Variants in HVCN1 observed in about 807,000 individuals in gnomAD.
The protein encoded by HVCN1 is hydrogen voltage gated channel 1, also known as voltage-gated hydrogen channel 1.
HVCN1 carries 14 observed loss-of-function variants against 29.2 expected under a neutral mutation model. The observed-to-expected ratio is 0.48, with a 90% confidence interval of 0.32 to 0.75. The LOEUF is 0.75. Among genes scored for constraint, HVCN1 ranks in the 30% least tolerant of loss-of-function variants. The pLI, the probability that HVCN1 is intolerant of heterozygous loss-of-function variation, is 0.04. For synonymous variants in HVCN1, 131 were observed against 133.2 expected, an observed-to-expected ratio of 0.98 and a Z score of 0.11; for missense variants, 263 against 341.8, an observed-to-expected ratio of 0.77 and a Z score of 1.82.
At chr12:110,668,178 C>T (rs1354202187) in intron 3 of HVCN1, among the ~76,000 whole-genome samples, 1 of 152,118 alleles carries the variant, frequency 6.6e-6, no homozygotes, top group Non-Finnish European at 1.5e-5. Context: ...GCCCCCAGCT[C>T]TGGAAGTGCC....
chr12:110,664,282 G>T (rs1028309958), intron 3 of HVCN1, among the ~76,000 whole-genome samples: 1 of 152,096 alleles, frequency 6.6e-6, no homozygotes, highest in Non-Finnish European at 1.5e-5. Flanking sequence ...GCACTTAACA[G>T]ACACTCAAAA....
At chr12:110,655,177 G>T in intron 5 of HVCN1, 57 bp downstream of exon 5, 1 of 1,335,802 alleles carries the variant, frequency 7.5e-7, no homozygotes, top group Non-Finnish European at 1.1e-6. Context: ...CCCCGTCTGT[G>T]CAGATAACAC....
intron 5 of HVCN1, among the ~76,000 whole-genome samples, chr12:110,654,427 T>G (rs1220320645): frequency 1.3e-5 from 2 of 151,920 alleles, no homozygotes; most frequent in Admixed American, 1.3e-4. Context: ...CAATTCCATT[T>G]TGTTTTTCCA....
In HVCN1 at chr12:110,694,990, G is replaced by A. The variant is rs1024753427; in HGVS notation, c.-103-6282C>T. Among the ~76,000 whole-genome samples the A allele has an allele frequency of 1.3e-5, 2 of 152,224 alleles. No homozygotes were observed. The highest frequency in any genetic ancestry group is 1.3e-4 in the Admixed American group (2 of 15,284). On this transcript the variant is annotated intron_variant, in intron 2 of 4. Coordinates refer to the HVCN1 transcript ENST00000546713. The surrounding 1 kb of genome is among the most constrained non-coding windows in gnomAD (Gnocchi z 4.6). ...TCAATTCAGCAAAGAGTTTCTGAGT[G>A]CCAACTATGTGCTAGGCAGAGAACA...
At chr12:110,681,295 TA>T (rs2068960861) in intron 3 of HVCN1, among the ~76,000 whole-genome samples, 1 of 152,208 alleles carries the variant, frequency 6.6e-6, no homozygotes, top group South Asian at 2.1e-4. Flanking sequence ...CCATAAATTG[TA>T]CTTTTTCTTT....
intron 3 of HVCN1, among the ~76,000 whole-genome samples, chr12:110,679,792 G>A (rs540334089): frequency 6.6e-5 from 10 of 152,068 alleles, no homozygotes; most frequent in African/African-American, 2.4e-4. Flanking sequence ...AGCGGAGCTT[G>A]CAGTGAGCCG....
At chr12:110,677,978 T>C (rs2068802895) in intron 3 of HVCN1, among the ~76,000 whole-genome samples, 1 of 152,248 alleles carries the variant, frequency 6.6e-6, no homozygotes, top group Non-Finnish European at 1.5e-5. Context: ...GGGACATATT[T>C]ACAGGAGTAG....
intron 2 of HVCN1, among the ~76,000 whole-genome samples, chr12:110,685,962 A>G (rs1433661825): frequency 1.3e-5 from 2 of 151,758 alleles, no homozygotes; most frequent in East Asian, 1.9e-4. Context: ...TATAATAGGC[A>G]TGAGCCATTG....
chr12:110,683,250 C>T lies in HVCN1; in HGVS notation c.-5G>A. ...CTTTTCGTCCCAGGTGGCCATGTCC[C>T]TGTTGCCTCTGGATCTGAAAAATAA... On this transcript the variant is annotated 5_prime_UTR_variant, in exon 3 of 8. Transcript: ENST00000242607. 6.2e-7 allele frequency: 1 copy of T among 1,608,496 alleles called. No individual in the cohort carries two copies. Among genetic ancestry groups the T allele is most frequent in the Non-Finnish European group, 8.5e-7 (1 of 1,178,514 alleles).
At chr12:110,685,869 G>A (rs1331006308) in intron 2 of HVCN1, among the ~76,000 whole-genome samples, 2 of 151,984 alleles carry the variant, frequency 1.3e-5, no homozygotes, top group Admixed American at 6.6e-5. Flanking sequence ...TTTGTAGAAA[G>A]GGGGGTCTCA....
At chr12:110,674,796 CCT>C (rs2068694126) in intron 3 of HVCN1, among the ~76,000 whole-genome samples, 1 of 152,116 alleles carries the variant, frequency 6.6e-6, no homozygotes, top group African/African-American at 2.4e-5. Context: ...CTTTTTCTTC[CCT>C]GTCTCAGGTA....
At chr12:110,669,581 A>G (rs1438424587) in intron 3 of HVCN1, among the ~76,000 whole-genome samples, 1 of 151,788 alleles carries the variant, frequency 6.6e-6, no homozygotes, top group Non-Finnish European at 1.5e-5. Flanking sequence ...CATCCCATCT[A>G]TCTTCCAGGT....
At chr12:110,657,331 T>C (rs774058707) in intron 4 of HVCN1, among the ~76,000 whole-genome samples, 7 of 152,030 alleles carry the variant, frequency 4.6e-5, no homozygotes, top group African/African-American at 9.7e-5. Context: ...CTGTTTCTAC[T>C]AAACATACAG....
chr12:110,699,903 G>T (rs1419182441), intron 2 of HVCN1, among the ~76,000 whole-genome samples: 3 of 152,126 alleles, frequency 2.0e-5, no homozygotes, highest in Non-Finnish European at 4.4e-5. Context: ...AGGGCTGTAA[G>T]TTGCCTCCGT....
At chr12:110,700,497 C>T (rs966665320) in intron 2 of HVCN1, among the ~76,000 whole-genome samples, 4 of 152,090 alleles carry the variant, frequency 2.6e-5, no homozygotes, top group Non-Finnish European at 5.9e-5. Context: ...CCGCTTATCT[C>T]GGGGTGGCAT....
At chr12:110,667,990 C>T (rs1246148794) in intron 3 of HVCN1, among the ~76,000 whole-genome samples, 1 of 152,148 alleles carries the variant, frequency 6.6e-6, no homozygotes, top group African/African-American at 2.4e-5. Flanking sequence ...AGAAAAGCTC[C>T]AGAAAAGGGC....
At chr12:110,671,350 G>A (rs754031527) in intron 3 of HVCN1, among the ~76,000 whole-genome samples, 1 of 152,130 alleles carries the variant, frequency 6.6e-6, no homozygotes, top group Non-Finnish European at 1.5e-5. Flanking sequence ...AGGACACACA[G>A]AGGGTAAGGT....
At chr12:110,677,866 C>A (rs982263824) in intron 3 of HVCN1, among the ~76,000 whole-genome samples, 1 of 152,092 alleles carries the variant, frequency 6.6e-6, no homozygotes, top group Non-Finnish European at 1.5e-5. Context: ...TAAAGCCATG[C>A]TCCCCAACTG....
rs1426484605 is a variant in HVCN1 at position 110,649,445 on chromosome 12, A to G, written c.787T>C (p.Leu263=). 2 of 1,608,332 alleles carry G rather than the reference A, an allele frequency of 1.2e-6. No homozygotes were observed. Among genetic ancestry groups the G allele is most frequent in the African/African-American group, 1.3e-5 (1 of 75,010 alleles). Residue 263 remains leucine (L), a synonymous_variant, in exon 8 of 8, where the codon TTG becomes CTG. Coordinates refer to ENST00000242607, the MANE Select transcript of HVCN1 (RefSeq NM_032369.4). ...TCACCAAGAAGTCCATGCTGTCGCAATAGTTTGTTAAGTCTTTCAATTTCT... is the reference window on the plus strand; with the variant it reads ...TCACCAAGAAGTCCATGCTGTCGCAGTAGTTTGTTAAGTCTTTCAATTTCT... ...EQEIERLNKL[L]RQHGLLGEVN
Sources: allele counts gnomAD v4.1 joint callset (sites outside exome capture counted in the v4.1 genomes callset), GRCh38; gene constraint gnomAD v4.1.1; non-coding constraint Gnocchi (gnomAD v3.1); transcripts MANE v1.5; gene names NCBI Gene and HGNC (gene_info 2026-07-23, HGNC 2026-07-21).